FTCD: variants seen among roughly 807,000 people sequenced by gnomAD.
FTCD encodes the protein formimidoyltransferase-cyclodeaminase.
In FTCD, 76 loss-of-function variants were observed where a neutral mutation model predicts 62.9. The observed-to-expected ratio is 1.21, with a 90% CI of 1.00 to 1.46. FTCD has a LOEUF of 1.46. FTCD is among the 40% of genes most tolerant of loss of function. The pLI, the probability that FTCD is intolerant of heterozygous loss-of-function variation, is 0.00. For missense variants in FTCD, 845 were observed against 751.3 expected (o/e 1.12, Z -1.46); for synonymous variants, 397 against 336.9 (o/e 1.18, Z -1.95).
At chr21:46,152,116 C>T (rs139107915) in intron 3 of FTCD, 136 bp from the exon 4 acceptor site, 111 of 633,760 alleles carry the variant, frequency 1.8e-4, no homozygotes, top group Non-Finnish European at 1.9e-4. Context: ...GGGGAGTGCC[C>T]GTTCTCCGCC....
intron 7 of FTCD, among the ~76,000 whole-genome samples, chr21:46,147,289 G>GAAAAAAAA (rs35123061): frequency 6.8e-6 from 1 of 147,826 alleles, no homozygotes. Flanking sequence ...GGTGAAGCAG[G>GAAAAAAAA]AAAAAAAAAA....
At chr21:46,138,742 G>A (rs574566550) in intron 11 of FTCD, 96 bp from the exon 12 acceptor site, 180 of 1,476,236 alleles carry the variant, frequency 1.2e-4, no homozygotes, top group East Asian at 2.5e-4. Context: ...CTGCAGAAGC[G>A]GGCGATGGGA....
At chr21:46,147,665 A>T (rs928193221) in intron 7 of FTCD, among the ~76,000 whole-genome samples, 1 of 152,114 alleles carries the variant, frequency 6.6e-6, no homozygotes, top group African/African-American at 2.4e-5. Context: ...CCAGCCAGTC[A>T]CGGTGGCTCA....
intron 10 of FTCD, among the ~76,000 whole-genome samples, chr21:46,144,189 ATAAC>A (rs1325870973): frequency 6.6e-6 from 1 of 151,588 alleles, no homozygotes; most frequent in Non-Finnish European, 1.5e-5. Context: ...TATCCAATAA[ATAAC>A]AGCGCAGCCA....
chr21:46,139,585 AT>A lies in FTCD; in HGVS notation c.1261-663del, dbSNP rs1365097812. Reference sequence around the variant, plus strand: ...GAATATGCTCACTTCATCTTGGAAGATTCAGCCAACTCTCCACCAGAAAGTC... The same window carrying A: ...GAATATGCTCACTTCATCTTGGAAGATCAGCCAACTCTCCACCAGAAAGTC... On this transcript the variant is annotated intron_variant, in intron 10 of 13. Transcript: ENST00000397746. 8.5e-4 allele frequency among the ~76,000 whole-genome samples: 129 copies of A among 152,316 alleles called. 1 individual carries two copies. Among genetic ancestry groups the A allele is most frequent in the Non-Finnish European group, 2.2e-4 (15 of 68,012 alleles).
rs1485892827 is a variant in FTCD at position 46,137,285 on chromosome 21, A to T, written c.1493T>A (p.Val498Glu). ...TGTGATGTCCCTCAGGTTGATGAGC[A>T]CGTTGAAATATGCGCCAAACACGCC... ...EMGVFGAYFNVLINLRDITDE... is the reference protein window; with the variant it reads ...EMGVFGAYFNELINLRDITDE... The change falls in exon 13 of 14, where the codon GTG becomes GAG. Residue 498 changes from valine to glutamate, a missense_variant. By Grantham distance (121) the Val-to-Glu change is moderately radical. Transcript: ENST00000397746. 1 of 1,613,892 alleles carries T rather than the reference A, an allele frequency of 6.2e-7. No individual in the cohort carries two copies. The highest frequency in any genetic ancestry group is 8.5e-7 in the Non-Finnish European group (1 of 1,179,962).
chr21:46,140,016 G>A (rs1198233760), intron 10 of FTCD, among the ~76,000 whole-genome samples: 1 of 152,196 alleles, frequency 6.6e-6, no homozygotes, highest in Non-Finnish European at 1.5e-5. Context: ...CGTGAGGCTT[G>A]GTTGTGTTGG....
intron 10 of FTCD, among the ~76,000 whole-genome samples, chr21:46,141,781 A>T (rs2079013443): frequency 6.6e-6 from 1 of 152,230 alleles, no homozygotes; most frequent in Non-Finnish European, 1.5e-5. Context: ...GGAGTCAAAA[A>T]ATATTCACCA....
downstream of FTCD, chr21:46,136,456 A>ATC: frequency 6.2e-7 from 1 of 1,612,614 alleles, no homozygotes; most frequent in African/African-American, 1.3e-5. Context: ...AAGCGAGGCT[A>ATC]TCCTTCCAGC....
intron 11 of FTCD, 78 bp from the exon 12 acceptor site, chr21:46,138,724 T>C: frequency 6.6e-7 from 1 of 1,517,748 alleles, no homozygotes; most frequent in Non-Finnish European, 9.0e-7. Flanking sequence ...CCAACAGGGC[T>C]GAGCAGGCTG....
intron 2 of FTCD, 78 bp downstream of exon 2, chr21:46,154,071 C>T: frequency 1.3e-6 from 2 of 1,489,278 alleles, no homozygotes; most frequent in African/African-American, 1.4e-5. Flanking sequence ...GGCCTACCCC[C>T]TCTCCCAGGA....
chr21:46,153,660 A>G (rs2079358404), intron 2 of FTCD, among the ~76,000 whole-genome samples: 1 of 152,166 alleles, frequency 6.6e-6, no homozygotes, highest in Admixed American at 6.5e-5. Context: ...ATCACTGTGG[A>G]TCCCTGGCCT....
At chr21:46,146,210 GC>G in intron 8 of FTCD, 55 bp downstream of exon 8, 1 of 1,275,298 alleles carries the variant, frequency 7.8e-7, no homozygotes, top group Non-Finnish European at 1.1e-6. Flanking sequence ...GCCCCGCAAG[GC>G]CCGAGAGGCA....
intron 11 of FTCD, 31 bp downstream of exon 11, chr21:46,138,849 G>T: frequency 6.3e-7 from 1 of 1,591,526 alleles, no homozygotes. Context: ...AGACACAGAG[G>T]CCCACGGTGC....
In FTCD at chr21:46,151,619, G is replaced by A. The variant is rs1036000370; in HGVS notation, c.575C>T (p.Thr192Ile). 1 of 1,613,084 alleles carries A rather than the reference G, an allele frequency of 6.2e-7. No homozygotes were observed. The highest frequency in any genetic ancestry group is 8.5e-7 in the Non-Finnish European group (1 of 1,179,954). ...LIAFNINLLG[T>I]KEQAHRIALN... is the part of the protein sequence containing the mutation. ...CGCGATGCGGTGGGCTTGCTCCTTT[G>A]TGCCGAGCAGGTTGATGTTAAAAGC... The change falls in exon 5 of 14, where the codon ACA becomes ATA. Residue 192 changes from threonine to isoleucine, a missense_variant. Transcript: ENST00000397746.
chr21:46,154,042 G>C, intron 2 of FTCD, 107 bp downstream of exon 2: 1 of 1,193,922 alleles, frequency 8.4e-7, no homozygotes, highest in Non-Finnish European at 1.2e-6. Flanking sequence ...TGGACCCCAC[G>C]TTCCAAGCCT....
rs1278645508 is a variant in FTCD at position 46,137,009 on chromosome 21, CA to C, written c.1603del (p.Cys535AlafsTer30). ...CCGTCACTCCTGCCGGGTCTCCAAG[CA>C]GTCCAGCACCAGTGCAGCCTGGGTC... is the stretch of plus-strand genomic sequence containing the variant. ...AKTQAALVLD[C>X]LETRQE On this transcript the variant is annotated frameshift_variant, in exon 14 of 14. Transcript: ENST00000397746. LOFTEE classifies it high-confidence loss of function. 1 of 1,613,534 alleles carries C rather than the reference CA, an allele frequency of 6.2e-7. No homozygotes were observed. Among genetic ancestry groups the C allele is most frequent in the Non-Finnish European group, 8.5e-7 (1 of 1,180,010 alleles).
chr21:46,136,846 T>C lies in FTCD; in HGVS notation c.*141A>G. 2 of 1,552,156 alleles carry C rather than the reference T, an allele frequency of 1.3e-6. No individual in the cohort carries two copies. The highest frequency in any genetic ancestry group is 8.7e-7 in the Non-Finnish European group (1 of 1,148,002). The stretch of plus-strand genomic sequence containing the variant: ...CCTTCTGTCCCTGCCAGCGCCTCCA[T>C]TCCCAGGCGATGCCCCGCTGCCTGC... On this transcript the variant is annotated 3_prime_UTR_variant, in exon 14 of 14. Transcript: ENST00000397746.
intron 7 of FTCD, among the ~76,000 whole-genome samples, chr21:46,147,337 CAG>C (rs1160210375): frequency 3.3e-5 from 5 of 151,956 alleles, no homozygotes; most frequent in African/African-American, 1.2e-4. Flanking sequence ...GCCACCCTGA[CAG>C]GGCTGCAGGC....
Sources: allele counts gnomAD v4.1 joint callset (sites outside exome capture counted in the v4.1 genomes callset), GRCh38; gene constraint gnomAD v4.1.1; transcripts MANE v1.5; gene names NCBI Gene and HGNC (gene_info 2026-07-23, HGNC 2026-07-21).